The following DNAJB14 variants were observed in gnomAD, a reference collection of about 807,000 sequenced individuals.
The protein encoded by DNAJB14 is DnaJ heat shock protein family (Hsp40) member B14, also known as dnaJ homolog subfamily B member 14.
DNAJB14 carries 22 observed loss-of-function variants against 48.4 expected under a neutral mutation model. The ratio of observed to expected loss-of-function variants is 0.45; its 90% CI spans 0.32 to 0.65. DNAJB14 has a LOEUF of 0.65. Among genes scored for constraint, DNAJB14 ranks in the 30% least tolerant of loss-of-function variants. The pLI is 0.03. For missense variants in DNAJB14, 319 were observed against 458.8 expected (o/e 0.70, Z 2.78); for synonymous variants, 142 against 158.7 (o/e 0.89, Z 0.79).
At chr4:99,910,882 CT>C (rs1441704550) in intron 3 of DNAJB14, among the ~76,000 whole-genome samples, 2 of 151,886 alleles carry the variant, frequency 1.3e-5, no homozygotes, top group Admixed American at 6.6e-5. Context: ...TCCACTGTAC[CT>C]TTCCCCTAAT....
chr4:99,940,052 T>G (rs1048848280), intron 1 of DNAJB14, among the ~76,000 whole-genome samples: 1 of 152,176 alleles, frequency 6.6e-6, no homozygotes, highest in African/African-American at 2.4e-5. Flanking sequence ...ATTTAGTATA[T>G]TCCATATTAA....
intron 3 of DNAJB14, among the ~76,000 whole-genome samples, chr4:99,918,720 A>G (rs1034669075): frequency 1.3e-5 from 2 of 152,172 alleles, no homozygotes; most frequent in Admixed American, 1.3e-4. Flanking sequence ...GGCTAGGAGG[A>G]GAAGAGATAC....
intron 1 of DNAJB14, among the ~76,000 whole-genome samples, chr4:99,942,971 C>T (rs911285437): frequency 6.6e-6 from 1 of 152,144 alleles, no homozygotes; most frequent in Non-Finnish European, 1.5e-5. Context: ...TAACCAATAG[C>T]TTCGACTTCC....
At chr4:99,933,142 T>C (rs1726538806) in intron 1 of DNAJB14, among the ~76,000 whole-genome samples, 1 of 152,098 alleles carries the variant, frequency 6.6e-6, no homozygotes, top group South Asian at 2.1e-4. Flanking sequence ...GAGTGAATTG[T>C]ATGGTATGTG....
At position 99,924,989 on chromosome 4, in the gene DNAJB14, T is replaced by C. The variant is rs908604617; in HGVS notation, c.306-1804A>G. 3.5e-4 allele frequency: 208 copies of C among 599,816 alleles called. 1 individual carries two copies. The highest frequency in any genetic ancestry group is 8.3e-5 in the Non-Finnish European group (28 of 338,642). 37.2% of individuals were successfully genotyped at this position (599,816 alleles called of 1,614,324 possible). On this transcript the variant is annotated intron_variant, in intron 2 of 7. Transcript: ENST00000442697. ...ATGTTTTGCTGTAGAAATGTTACTA[T>C]TTGTTATGGACTGCTGCCCTAGACT...
intron 1 of DNAJB14, among the ~76,000 whole-genome samples, chr4:99,942,679 T>C (rs1024046179): frequency 1.3e-5 from 2 of 152,120 alleles, no homozygotes; most frequent in African/African-American, 4.8e-5. Flanking sequence ...TTAAGTTTTT[T>C]GTCAAGAAAA....
At chr4:99,927,872 C>G (rs997511128) in intron 2 of DNAJB14, 3 of 152,114 alleles carry the variant, frequency 2.0e-5, no homozygotes, top group Non-Finnish European at 4.4e-5. Context: ...CAAAAACATA[C>G]ATCATGTAAG....
At chr4:99,921,274 C>T (rs1020730514) in intron 3 of DNAJB14, among the ~76,000 whole-genome samples, 4 of 152,138 alleles carry the variant, frequency 2.6e-5, no homozygotes, top group African/African-American at 9.7e-5. Context: ...AGATATAAAT[C>T]ACTTCCCGGC....
chr4:99,929,673 G>C (rs1463172408), intron 2 of DNAJB14: 24 of 152,078 alleles, frequency 1.6e-4, no homozygotes, highest in Admixed American at 1.6e-3. Flanking sequence ...AAATGAGAAA[G>C]ACTTAACCTA....
At chr4:99,939,175 A>C (rs1726799483) in intron 1 of DNAJB14, among the ~76,000 whole-genome samples, 1 of 152,212 alleles carries the variant, frequency 6.6e-6, no homozygotes, top group Non-Finnish European at 1.5e-5. Context: ...CAGCCTGGCC[A>C]ACATGGGGAA....
At chr4:99,918,990 A>C (rs1469707378) in intron 3 of DNAJB14, among the ~76,000 whole-genome samples, 1 of 152,176 alleles carries the variant, frequency 6.6e-6, no homozygotes, top group African/African-American at 2.4e-5. Context: ...CCATCCCAGC[A>C]GGGAGCTTAG....
At chr4:99,916,234 G>A (rs573128133) in intron 3 of DNAJB14, among the ~76,000 whole-genome samples, 1 of 152,080 alleles carries the variant, frequency 6.6e-6, no homozygotes, top group Admixed American at 6.6e-5. Flanking sequence ...AACCCCCCAG[G>A]CTCAAGTGAT....
In DNAJB14 at chr4:99,903,859, C is replaced by G. The variant is rs905787862; in HGVS notation, c.882G>C (p.Leu294Phe). ...CCTTGTTGACATAATAAACAACACC[C>G]AAGTTTTCTGTTTGCATTTTAATAG... The part of the protein sequence containing the change: ...GQTIKMQTEN[L>F]GVVYYVNKDF... The change falls in exon 7 of 8, where the codon TTG becomes TTC. Residue 294 changes from leucine (L) to phenylalanine (F), a missense_variant. This residue lies in a region of DNAJB14 where 166 missense variants were observed against 236.3 expected (regional missense o/e 0.70). Transcript: ENST00000442697. The G allele has an allele frequency of 6.2e-7, 1 of 1,612,436 alleles. No individual in the cohort carries two copies. The highest frequency in any genetic ancestry group is 8.5e-7 in the Non-Finnish European group (1 of 1,179,262).
At chr4:99,946,349 G>A (rs1027844617) in intron 1 of DNAJB14, 90 bp downstream of exon 1, 47 of 1,529,960 alleles carry the variant, frequency 3.1e-5, no homozygotes, top group Non-Finnish European at 4.1e-5. Context: ...GGGCCCCGCA[G>A]GCCTCCAGGA....
intron 1 of DNAJB14, among the ~76,000 whole-genome samples, chr4:99,943,396 T>G (rs1726948949): frequency 1.3e-5 from 2 of 152,212 alleles, no homozygotes. Flanking sequence ...TGCTTTGGTA[T>G]CTTATAATAT....
At position 99,901,169 on chromosome 4, in the gene DNAJB14, A is replaced by G. The variant is rs760798117; in HGVS notation, c.1016-17T>C. Reference sequence around the variant, plus strand: ...TATCTGTTTCTGTTAATAAAGAAAAATATTTTGCTAATTGAATAAAATTTT... The same window carrying G: ...TATCTGTTTCTGTTAATAAAGAAAAGTATTTTGCTAATTGAATAAAATTTT... On this transcript the variant is annotated splice_polypyrimidine_tract_variant and intron_variant, in intron 7 of 7. Coordinates refer to ENST00000442697, the MANE Select transcript of DNAJB14 (RefSeq NM_001031723.4). The G allele has an allele frequency of 6.4e-6, 10 of 1,570,570 alleles. No individual in the cohort carries two copies. The South Asian group carries it at 7.1e-5, about 11-fold the overall frequency.
chr4:99,928,870 G>A (rs1726355469), intron 2 of DNAJB14: 1 of 153,610 alleles, frequency 6.5e-6, no homozygotes, highest in South Asian at 2.1e-4. Context: ...CCAGAAACGT[G>A]TTTCAAGCAC....
chr4:99,913,404 C>T (rs1725736068), intron 3 of DNAJB14, among the ~76,000 whole-genome samples: 1 of 152,042 alleles, frequency 6.6e-6, no homozygotes, highest in Non-Finnish European at 1.5e-5. Context: ...TGAAATGTAT[C>T]AAATGCTTTT....
Position 99,898,679 on chromosome 4 carries a change from G to A in DNAJB14, c.*2349C>T, listed in dbSNP as rs1261183197. The A allele has an allele frequency of 6.6e-6, 1 of 151,880 alleles. No individual in the cohort carries two copies. The highest frequency in any genetic ancestry group is 1.5e-5 in the Non-Finnish European group (1 of 67,818). 9.4% of individuals were successfully genotyped at this position (151,880 alleles called of 1,614,324 possible). A position where few individuals can be genotyped will look rare whatever the true frequency, so the allele number is the denominator to read the frequency against. ...AATACCAGTTAGAGGAGCTAATAAA[G>A]CAATATTCAAAGATTGAGGACTTTT... On this transcript the variant is annotated 3_prime_UTR_variant, in exon 8 of 8. Transcript: ENST00000442697.
Sources: allele counts gnomAD v4.1 joint callset (sites outside exome capture counted in the v4.1 genomes callset), GRCh38; gene constraint gnomAD v4.1.1; regional missense constraint gnomAD v4.1.1; transcripts MANE v1.5; gene names NCBI Gene and HGNC (gene_info 2026-07-23, HGNC 2026-07-21).